ADGRG6: variants seen among roughly 807,000 people sequenced by gnomAD.
ADGRG6 encodes the protein G-protein coupled receptor 126.
In ADGRG6, 84 loss-of-function variants were observed where a neutral mutation model predicts 142.4. The observed-to-expected ratio is 0.59, with a 90% CI of 0.49 to 0.71. ADGRG6 has a LOEUF of 0.71. Among genes scored for constraint, ADGRG6 ranks in the 30% least tolerant of loss-of-function variants. The probability of loss-of-function intolerance (pLI) is 0.00; values close to 1 mark genes in which losing one functional copy is unlikely to be tolerated. For missense variants in ADGRG6, 1,367 were observed against 1,466.6 expected (o/e 0.93, Z 1.11); for synonymous variants, 521 against 520.5 (o/e 1.00, Z -0.01).
chr6:142,372,511 A>G (rs1781307888), intron 4 of ADGRG6, among the ~76,000 whole-genome samples: 1 of 152,156 alleles, frequency 6.6e-6, no homozygotes, highest in Non-Finnish European at 1.5e-5. Flanking sequence ...CGTGTGGTCC[A>G]TGGCACTCCT....
chr6:142,302,396 C>T, intron 1 of ADGRG6, 65 bp downstream of exon 1: 2 of 1,525,792 alleles, frequency 1.3e-6, no homozygotes, highest in Non-Finnish European at 1.8e-6. Context: ...TCTGTCGCCC[C>T]CTCCCCGACC....
intron 2 of ADGRG6, among the ~76,000 whole-genome samples, chr6:142,355,732 G>C (rs1333949018): frequency 6.6e-6 from 1 of 151,930 alleles, no homozygotes; most frequent in Non-Finnish European, 1.5e-5. Flanking sequence ...ACTTTTTGTG[G>C]TTTGGCCTTC....
rs1337235131 is a variant in ADGRG6, at chr6:142,317,882, ATATT to A, written c.103+8242_103+8245del. Among the ~76,000 whole-genome samples, 3 of 78,846 alleles carry A rather than the reference ATATT, an allele frequency of 3.8e-5. No individual in the cohort carries two copies. In the East Asian group the frequency reaches 1.0e-3, roughly 26 times the overall value. The allele number at this position is 78,846 out of a possible 152,430, so 51.7% of individuals were successfully genotyped here. A position where few individuals can be genotyped will look rare whatever the true frequency, so the allele number is the denominator to read the frequency against. Reference sequence around the variant, plus strand: ...TATATTATATTTTTATATATTATATATATTTATATTATATATTTATATATATTAT... The same window carrying A: ...TATATTATATTTTTATATATTATATATATATTATATATTTATATATATTAT... On this transcript the variant is annotated intron_variant, in intron 2 of 24. Coordinates refer to ENST00000367609, the MANE Select transcript of ADGRG6 (RefSeq NM_198569.3).
At chr6:142,376,590 C>T (rs1310770591) in intron 4 of ADGRG6, among the ~76,000 whole-genome samples, 1 of 152,114 alleles carries the variant, frequency 6.6e-6, no homozygotes, top group Non-Finnish European at 1.5e-5. Flanking sequence ...TATAAAACTT[C>T]AATTCATTAT....
At chr6:142,407,814 C>T (rs1000033830) in intron 15 of ADGRG6, among the ~76,000 whole-genome samples, 1 of 152,150 alleles carries the variant, frequency 6.6e-6, no homozygotes, top group African/African-American at 2.4e-5. Context: ...GGGAAATGAT[C>T]TAATTGTTTC....
intron 6 of ADGRG6, among the ~76,000 whole-genome samples, chr6:142,388,792 A>G (rs1583075479): frequency 1.3e-5 from 2 of 152,182 alleles, no homozygotes; most frequent in South Asian, 4.1e-4. Flanking sequence ...AAGTTGAATG[A>G]TCTTGAACTG....
chr6:142,316,014 A>G (rs1347899935), intron 2 of ADGRG6, among the ~76,000 whole-genome samples: 2 of 152,024 alleles, frequency 1.3e-5, no homozygotes, highest in Non-Finnish European at 2.9e-5. Context: ...GTTAAGACTA[A>G]TTATCTTGAT....
chr6:142,307,256 T>G (rs1777545999), intron 1 of ADGRG6, among the ~76,000 whole-genome samples: 1 of 152,094 alleles, frequency 6.6e-6, no homozygotes, highest in South Asian at 2.1e-4. Context: ...GGAATTCTCT[T>G]GAGCTGATAC....
intron 2 of ADGRG6, among the ~76,000 whole-genome samples, chr6:142,366,740 G>A (rs1272505192): frequency 7.0e-6 from 1 of 142,586 alleles, no homozygotes; most frequent in African/African-American, 2.8e-5. Flanking sequence ...GGGCAACAGA[G>A]CGAGACTGTC....
intron 2 of ADGRG6, among the ~76,000 whole-genome samples, chr6:142,362,642 T>C (rs1246046078): frequency 6.6e-6 from 1 of 152,196 alleles, no homozygotes; most frequent in African/African-American, 2.4e-5. Flanking sequence ...ATCTGGATAG[T>C]GGTCTGAAAT....
At chr6:142,379,164 T>C (rs989604401) in intron 4 of ADGRG6, among the ~76,000 whole-genome samples, 2 of 152,238 alleles carry the variant, frequency 1.3e-5, no homozygotes, top group Non-Finnish European at 2.9e-5. Context: ...TCTTCTGTTA[T>C]TTCCTATCTC....
At chr6:142,375,307 G>A (rs1221577632) in intron 4 of ADGRG6, among the ~76,000 whole-genome samples, 2 of 152,118 alleles carry the variant, frequency 1.3e-5, no homozygotes, top group Non-Finnish European at 1.5e-5. Context: ...TGAACTTAAC[G>A]GAGTCAATAT....
At chr6:142,326,115 T>C (rs1778764805) in intron 2 of ADGRG6, among the ~76,000 whole-genome samples, 1 of 152,056 alleles carries the variant, frequency 6.6e-6, no homozygotes, top group Non-Finnish European at 1.5e-5. Flanking sequence ...AAAAAACTAG[T>C]AGATAGTATG....
At chr6:142,375,921 AC>A (rs1427697820) in intron 4 of ADGRG6, among the ~76,000 whole-genome samples, 2 of 152,132 alleles carry the variant, frequency 1.3e-5, no homozygotes, top group African/African-American at 2.4e-5. Context: ...AAATACTCTA[AC>A]GATTTTAGTA....
At chr6:142,404,551 C>T (rs761694432) in intron 14 of ADGRG6, among the ~76,000 whole-genome samples, 2 of 151,906 alleles carry the variant, frequency 1.3e-5, no homozygotes, top group South Asian at 2.1e-4. Flanking sequence ...GGCTGAGGCA[C>T]GAGAATCACT....
At chr6:142,432,065 A>G (rs1475265863) in intron 22 of ADGRG6, among the ~76,000 whole-genome samples, 1 of 152,118 alleles carries the variant, frequency 6.6e-6, no homozygotes, top group East Asian at 1.9e-4. Flanking sequence ...AAACAAAAAC[A>G]AAAACAAAAA....
chr6:142,409,590 A>G (rs1337674904), intron 16 of ADGRG6, among the ~76,000 whole-genome samples: 1 of 152,140 alleles, frequency 6.6e-6, no homozygotes, highest in Non-Finnish European at 1.5e-5. Flanking sequence ...TCTAAATGCT[A>G]AGAATGAGAG....
At chr6:142,304,160 T>C (rs1161819025) in intron 1 of ADGRG6, among the ~76,000 whole-genome samples, 6 of 152,332 alleles carry the variant, frequency 3.9e-5, no homozygotes, top group African/African-American at 1.4e-4. Context: ...ATATTCTTAC[T>C]ATCTTGTTGA....
chr6:142,434,561 T>C (rs960508881), intron 22 of ADGRG6, among the ~76,000 whole-genome samples: 7 of 152,124 alleles, frequency 4.6e-5, no homozygotes, highest in African/African-American at 1.7e-4. Flanking sequence ...GACCTCATGA[T>C]CCACCTGCCT....
Sources: gnomAD v4.1 joint callset for allele counts (sites outside exome capture counted in the v4.1 genomes callset) on GRCh38, gnomAD v4.1.1 for gene constraint, MANE v1.5 for transcripts, NCBI Gene and HGNC (gene_info 2026-07-23, HGNC 2026-07-21) for gene names.